The following CTNND2 variants were observed in gnomAD, a reference collection of about 807,000 sequenced individuals.
The protein encoded by CTNND2 is catenin delta 2.
CTNND2 carries 22 observed loss-of-function variants against 144.4 expected under a neutral mutation model. The ratio of observed to expected loss-of-function variants is 0.15; its 90% confidence interval spans 0.11 to 0.22. The LOEUF is 0.22. CTNND2 is among the 10% of genes least tolerant of loss of function. The pLI, the probability that CTNND2 is intolerant of heterozygous loss-of-function variation, is 1.00. For missense variants in CTNND2, 1,353 were observed against 1,618.8 expected (o/e 0.84, Z 2.82); for synonymous variants, 751 against 695.6 (o/e 1.08, Z -1.25).
At chr5:11,886,974 G>GATTT (rs1736582715) in intron 1 of CTNND2, among the ~76,000 whole-genome samples, 1 of 103,250 alleles carries the variant, frequency 9.7e-6, no homozygotes, top group African/African-American at 3.3e-5. Context: ...CTATCCTACT[G>GATTT]CTTTTTTTTT....
chr5:11,284,559 C>T (rs1219728569), intron 9 of CTNND2, among the ~76,000 whole-genome samples: 2 of 152,128 alleles, frequency 1.3e-5, no homozygotes, highest in Non-Finnish European at 2.9e-5. Context: ...TAATGACTTC[C>T]AGCTTCACTC....
intron 9 of CTNND2, among the ~76,000 whole-genome samples, chr5:11,311,525 TACACTC>T (rs1750860492): frequency 3.1e-5 from 2 of 64,004 alleles, no homozygotes; most frequent in South Asian, 5.5e-4. Context: ...ATCCCACACA[TACACTC>T]ACACACACAC....
intron 3 of CTNND2, among the ~76,000 whole-genome samples, chr5:11,437,055 C>T (rs1409673353): frequency 1.3e-5 from 2 of 152,128 alleles, no homozygotes. Context: ...TATAAAAGCA[C>T]TCTAAAAACC....
At chr5:11,364,483 G>A in intron 8 of CTNND2, 1 of 423,032 alleles carries the variant, frequency 2.4e-6, no homozygotes. Context: ...ATCGCCATTT[G>A]CTTCCTTTCA....
intron 2 of CTNND2, among the ~76,000 whole-genome samples, chr5:11,571,290 C>T (rs1054419706): frequency 5.3e-5 from 8 of 152,142 alleles, no homozygotes; most frequent in African/African-American, 1.2e-4. Context: ...CTTGTATGAG[C>T]GCCAGCATGA....
At chr5:11,726,616 A>G (rs1787038568) in intron 2 of CTNND2, among the ~76,000 whole-genome samples, 1 of 152,232 alleles carries the variant, frequency 6.6e-6, no homozygotes, top group Non-Finnish European at 1.5e-5. Context: ...ATGATTTTAC[A>G]TATGAATATT....
intron 1 of CTNND2, among the ~76,000 whole-genome samples, chr5:11,831,163 C>T (rs10474936): frequency 0.056 from 8,379 of 150,326 alleles, 648 homozygotes; most frequent in African/African-American, 0.18. Context: ...ATAAAAATTC[C>T]GGCATATATT....
intron 2 of CTNND2, among the ~76,000 whole-genome samples, chr5:11,661,358 A>C (rs1275017459): frequency 2.0e-5 from 3 of 152,146 alleles, no homozygotes; most frequent in African/African-American, 7.2e-5. Flanking sequence ...CAAATCAGGA[A>C]ACTAAGTTAC....
intron 9 of CTNND2, among the ~76,000 whole-genome samples, chr5:11,298,228 A>G (rs1018814042): frequency 6.6e-6 from 1 of 152,112 alleles, no homozygotes; most frequent in Non-Finnish European, 1.5e-5. Context: ...CCCAGGCTGG[A>G]GGCACAATCA....
chr5:11,691,049 C>CA (rs1399033813), intron 2 of CTNND2, among the ~76,000 whole-genome samples: 2 of 151,876 alleles, frequency 1.3e-5, no homozygotes, highest in African/African-American at 4.8e-5. Flanking sequence ...AAGATAAGAA[C>CA]AAAAAAATGT....
intron 3 of CTNND2, among the ~76,000 whole-genome samples, chr5:11,463,766 T>C (rs1161096934): frequency 6.6e-6 from 1 of 151,502 alleles, no homozygotes; most frequent in Non-Finnish European, 1.5e-5. Flanking sequence ...ATGCTTTTAA[T>C]GACTTAAAAA....
At chr5:11,455,454 A>G (rs1765653480) in intron 3 of CTNND2, among the ~76,000 whole-genome samples, 1 of 152,168 alleles carries the variant, frequency 6.6e-6, no homozygotes, top group Non-Finnish European at 1.5e-5. Flanking sequence ...AACCATGTGT[A>G]TCTGTGTGAA....
In CTNND2 at chr5:11,384,010, T is replaced by C. The variant is rs754821969; in HGVS notation, c.1177+655A>G. ...CCCTCCCTCCCTGTAATAAAGCAGGTACAAATTTAAGGGACTTCATCATTG... is the reference window on the plus strand; with the variant it reads ...CCCTCCCTCCCTGTAATAAAGCAGGCACAAATTTAAGGGACTTCATCATTG... On this transcript the variant is annotated intron_variant, in intron 7 of 21. Transcript: ENST00000304623. The surrounding 1 kb of genome is among the most constrained non-coding windows in gnomAD (Gnocchi z 5.2). Among the ~76,000 whole-genome samples the C allele has an allele frequency of 1.3e-5, 2 of 152,038 alleles. No individual in the cohort carries two copies. The highest frequency in any genetic ancestry group is 2.4e-5 in the African/African-American group (1 of 41,398).
intron 16 of CTNND2, among the ~76,000 whole-genome samples, chr5:11,058,428 G>T (rs940096264): frequency 2.0e-5 from 3 of 152,224 alleles, no homozygotes; most frequent in Admixed American, 6.5e-5. Flanking sequence ...CCCAAGCCTT[G>T]GCAGCTCTCA....
intron 16 of CTNND2, among the ~76,000 whole-genome samples, chr5:11,061,597 C>G (rs1746986715): frequency 1.3e-5 from 2 of 152,182 alleles, no homozygotes; most frequent in Admixed American, 1.3e-4. Flanking sequence ...TAGGATTTAC[C>G]TCTTCATAGA....
At chr5:11,368,748 G>A (rs1757198311) in intron 7 of CTNND2, among the ~76,000 whole-genome samples, 1 of 152,158 alleles carries the variant, frequency 6.6e-6, no homozygotes, top group South Asian at 2.1e-4. Flanking sequence ...ATAAGAATAT[G>A]TGAATTCTGT....
rs988062785 is a variant in CTNND2 at position 11,856,103 on chromosome 5, T to A, written c.37+47714A>T. On this transcript the variant is annotated intron_variant, in intron 1 of 21. Coordinates refer to ENST00000304623, the MANE Select transcript of CTNND2 (RefSeq NM_001332.4). ...AGCATTAATTATCTATAAGCCACCA[T>A]GCCATAAACTGGGAGAGACAAAAAG... is the stretch of plus-strand genomic sequence containing the variant. 2.6e-5 allele frequency among the ~76,000 whole-genome samples: 4 copies of A among 152,304 alleles called. No homozygotes were observed. The South Asian group carries it at 6.2e-4, about 24-fold the overall frequency.
chr5:11,188,985 T>C (rs929717487), intron 11 of CTNND2, among the ~76,000 whole-genome samples: 1 of 152,208 alleles, frequency 6.6e-6, no homozygotes, highest in Non-Finnish European at 1.5e-5. Flanking sequence ...AATTACAGAT[T>C]TATTTGTCTC....
At chr5:11,634,924 G>A (rs989178367) in intron 2 of CTNND2, among the ~76,000 whole-genome samples, 2 of 151,930 alleles carry the variant, frequency 1.3e-5, no homozygotes, top group African/African-American at 4.8e-5. Flanking sequence ...TGGAGATTAG[G>A]AACCTTTAGA....
Sources: gnomAD v4.1 joint callset for allele counts (sites outside exome capture counted in the v4.1 genomes callset) on GRCh38, gnomAD v4.1.1 for gene constraint, Gnocchi (gnomAD v3.1) non-coding constraint, MANE v1.5 for transcripts, NCBI Gene and HGNC (gene_info 2026-07-23, HGNC 2026-07-21) for gene names.